Variants in ADCY1 observed in about 807,000 individuals in gnomAD.
ADCY1 encodes the protein adenylate cyclase 1, also known as adenylate cyclase type 1.
A neutral mutation model predicts 105.4 loss-of-function variants in ADCY1; 28 were observed. That is an observed-to-expected ratio of 0.27 (90% CI 0.20 to 0.36). The LOEUF is 0.36. ADCY1 is among the 10% of genes least tolerant of loss of function. The probability of loss-of-function intolerance (pLI) is 1.00; values close to 1 mark genes in which losing one functional copy is unlikely to be tolerated. For synonymous variants in ADCY1, 655 were observed against 623.8 expected (o/e 1.05, Z -0.75); for missense variants, 977 against 1,434.2 (o/e 0.68, Z 5.15).
intron 1 of ADCY1, among the ~76,000 whole-genome samples, chr7:45,586,925 C>A (rs1792745483): frequency 6.6e-6 from 1 of 152,220 alleles, no homozygotes. Flanking sequence ...AGCAGGCCCC[C>A]CGACCTGTGC....
chr7:45,599,580 GTCCTC>G (rs1167909505), intron 2 of ADCY1, among the ~76,000 whole-genome samples: 2 of 151,440 alleles, frequency 1.3e-5, no homozygotes, highest in Non-Finnish European at 2.9e-5. Context: ...TCTGCGGCAT[GTCCTC>G]GGGGGCTGTG....
At chr7:45,584,029 C>G (rs1454883603) in intron 1 of ADCY1, among the ~76,000 whole-genome samples, 2 of 148,636 alleles carry the variant, frequency 1.3e-5, no homozygotes, top group South Asian at 2.2e-4. Context: ...TTCACTGCAG[C>G]CTTGAACTCC....
intron 14 of ADCY1, among the ~76,000 whole-genome samples, chr7:45,695,888 G>A (rs1299919757): frequency 6.6e-6 from 1 of 152,234 alleles, no homozygotes. Flanking sequence ...TGACCAGCCT[G>A]CAGAACTCAG....
At chr7:45,579,967 CT>C (rs1242286242) in intron 1 of ADCY1, among the ~76,000 whole-genome samples, 1 of 151,020 alleles carries the variant, frequency 6.6e-6, no homozygotes, top group Non-Finnish European at 1.5e-5. Context: ...CCCTTCCCCC[CT>C]CGCCCCCATT....
At chr7:45,683,933 C>T (rs1584329614) in intron 11 of ADCY1, among the ~76,000 whole-genome samples, 1 of 152,382 alleles carries the variant, frequency 6.6e-6, no homozygotes, top group South Asian at 2.1e-4. Flanking sequence ...GGTGGCCTCC[C>T]TTAGCACACC....
rs1354161409 is a variant in ADCY1, at chr7:45,722,445, T to C, written c.*8450T>C. The C allele has an allele frequency of 6.6e-6, 1 of 152,126 alleles. No homozygotes were observed. The highest frequency in any genetic ancestry group is 1.5e-5 in the Non-Finnish European group (1 of 68,028). 9.4% of individuals were successfully genotyped at this position (152,126 alleles called of 1,614,324 possible). On this transcript the variant is annotated 3_prime_UTR_variant, in exon 20 of 20. Coordinates refer to ENST00000297323, the MANE Select transcript of ADCY1 (RefSeq NM_021116.4). ...AGGCGAGGCCCGTGGAGCCTGAGCT[T>C]TGTGTAGCTCGAGCTTTGTGTAGCT...
chr7:45,689,019 G>A (rs1405797134), intron 14 of ADCY1, among the ~76,000 whole-genome samples: 4 of 149,974 alleles, frequency 2.7e-5, no homozygotes, highest in African/African-American at 9.9e-5. Context: ...AGACATTCCT[G>A]TGTCCTACTA....
chr7:45,644,009 G>A lies in ADCY1; in HGVS notation c.1021-4661G>A, dbSNP rs983970980. 5.9e-5 allele frequency among the ~76,000 whole-genome samples: 9 copies of A among 152,128 alleles called. No homozygotes were observed. In the East Asian group the frequency reaches 1.2e-3, roughly 20 times the overall value. ...TCTGTAGCAGGAAGCTTCCTCTAGG[G>A]TTTTCTAAAATTTCTTATTTCGTTC... On this transcript the variant is annotated intron_variant, in intron 4 of 19. Coordinates refer to ENST00000297323, the MANE Select transcript of ADCY1 (RefSeq NM_021116.4).
Position 45,657,780 on chromosome 7 carries a change from C to A in ADCY1, c.1202C>A (p.Thr401Lys). The A allele has an allele frequency of 6.2e-7, 1 of 1,614,030 alleles. No individual in the cohort carries two copies. The highest frequency in any genetic ancestry group is 8.5e-7 in the Non-Finnish European group (1 of 1,179,986). ...VDLNMRVGLH[T>K]GRVLCGVLGL... ...CTGAACATGCGTGTGGGTCTGCACA[C>A]GGGCAGGGTCCTCTGTGGTGTCCTG... Residue 401 changes from threonine (T) to lysine (K), a missense_variant, in exon 6 of 20, where the codon ACG (threonine) becomes AAG (lysine). This residue lies in a region of ADCY1 where 196 missense variants were observed against 347.8 expected (regional missense o/e 0.56). Transcript: ENST00000297323.
At chr7:45,691,721 G>A (rs1284301783) in intron 14 of ADCY1, among the ~76,000 whole-genome samples, 7 of 152,154 alleles carry the variant, frequency 4.6e-5, no homozygotes, top group Non-Finnish European at 7.3e-5. Flanking sequence ...ACCAATAAAC[G>A]CTTAATTCGA....
At chr7:45,669,658 C>T (rs1266596810) in intron 8 of ADCY1, among the ~76,000 whole-genome samples, 4 of 152,128 alleles carry the variant, frequency 2.6e-5, no homozygotes, top group African/African-American at 4.8e-5. Flanking sequence ...TCTGATCCAC[C>T]TAGGGGCTCT....
chr7:45,624,265 A>C (rs1009166054), intron 4 of ADCY1, among the ~76,000 whole-genome samples: 7 of 149,624 alleles, frequency 4.7e-5, no homozygotes, highest in Non-Finnish European at 1.0e-4. Flanking sequence ...GGCAGCAGTT[A>C]GGGGGACCCA....
intron 14 of ADCY1, among the ~76,000 whole-genome samples, chr7:45,689,635 A>T (rs576673986): frequency 6.6e-6 from 1 of 152,168 alleles, no homozygotes; most frequent in Admixed American, 6.5e-5. Flanking sequence ...CATCTCCAAC[A>T]CTAGGATTAC....
intron 1 of ADCY1, among the ~76,000 whole-genome samples, chr7:45,587,281 T>C (rs1792759203): frequency 6.6e-6 from 1 of 152,134 alleles, no homozygotes; most frequent in Admixed American, 6.5e-5. Context: ...TCCATGTATG[T>C]GCATGGCATG....
intron 2 of ADCY1, among the ~76,000 whole-genome samples, chr7:45,602,981 G>A (rs903803148): frequency 1.3e-5 from 2 of 152,090 alleles, no homozygotes; most frequent in African/African-American, 4.8e-5. Flanking sequence ...CCTCCAGCAA[G>A]ACATAGGCAC....
At chr7:45,667,705 A>G (rs1233340256) in intron 8 of ADCY1, among the ~76,000 whole-genome samples, 2 of 152,196 alleles carry the variant, frequency 1.3e-5, no homozygotes, top group African/African-American at 2.4e-5. Flanking sequence ...CATTGAATCT[A>G]TAAATTACCT....
chr7:45,637,298 T>C (rs895875375), intron 4 of ADCY1, among the ~76,000 whole-genome samples: 1 of 152,248 alleles, frequency 6.6e-6, no homozygotes, highest in Non-Finnish European at 1.5e-5. Flanking sequence ...TACATTTTAT[T>C]TACACAGTCA....
At chr7:45,583,915 C>T (rs969047068) in intron 1 of ADCY1, among the ~76,000 whole-genome samples, 4 of 145,040 alleles carry the variant, frequency 2.8e-5, no homozygotes, top group Non-Finnish European at 4.5e-5. Context: ...GTTGACATTA[C>T]AGGCATGAGC....
chr7:45,581,153 C>T (rs1792527783), intron 1 of ADCY1, among the ~76,000 whole-genome samples: 1 of 152,106 alleles, frequency 6.6e-6, no homozygotes, highest in African/African-American at 2.4e-5. Context: ...TCTCCCTCAC[C>T]AAAGGGAACA....
Sources: allele counts gnomAD v4.1 joint callset (sites outside exome capture counted in the v4.1 genomes callset), GRCh38; gene constraint gnomAD v4.1.1; regional missense constraint gnomAD v4.1.1; transcripts MANE v1.5; gene names NCBI Gene and HGNC (gene_info 2026-07-23, HGNC 2026-07-21).